PRKD1: variants seen among roughly 807,000 people sequenced by gnomAD.
The protein encoded by PRKD1 is serine/threonine-protein kinase D1.
A neutral mutation model predicts 95.9 loss-of-function variants in PRKD1; 63 were observed. That is an observed-to-expected ratio of 0.66 (90% CI 0.54 to 0.81). The LOEUF (loss-of-function observed/expected upper bound fraction) is 0.81. PRKD1 is among the 30% of genes least tolerant of loss of function. PRKD1 has a pLI of 0.00. For missense variants in PRKD1, 1,048 were observed against 1,165.3 expected (o/e 0.90, Z 1.47); for synonymous variants, 425 against 423.1 (o/e 1.00, Z -0.05).
chr14:29,727,057 G>C (rs184814710), intron 1 of PRKD1, among the ~76,000 whole-genome samples: 403 of 152,058 alleles, frequency 2.7e-3, no homozygotes, highest in Admixed American at 8.1e-3. Context: ...CTCTCCAGCA[G>C]CTGTTGTTTC....
chr14:29,720,123 A>C (rs761983374), intron 2 of PRKD1, among the ~76,000 whole-genome samples: 2 of 152,224 alleles, frequency 1.3e-5, no homozygotes, highest in Non-Finnish European at 2.9e-5. Flanking sequence ...TGAGGAGAAG[A>C]AGCAATCTTA....
In PRKD1 at chr14:29,797,800, C is replaced by T. The variant is rs182878912; in HGVS notation, c.265-72126G>A. On this transcript the variant is annotated intron_variant, in intron 1 of 17. Transcript: ENST00000331968. ...TACAAGTGGTGCCCATAAAGTGGAACAGATTGCAAATGGACTACCATTTAT... is the reference window on the plus strand; with the variant it reads ...TACAAGTGGTGCCCATAAAGTGGAATAGATTGCAAATGGACTACCATTTAT... Among the ~76,000 whole-genome samples the T allele has an allele frequency of 2.0e-5, 3 of 152,270 alleles. No individual in the cohort carries two copies. The East Asian group carries it at 5.8e-4, about 29-fold the overall frequency.
rs574578527 is a variant in PRKD1 at position 29,739,290 on chromosome 14, C to A, written c.265-13616G>T. Among the ~76,000 whole-genome samples, 3 of 152,310 alleles carry A rather than the reference C, an allele frequency of 2.0e-5. No homozygotes were observed. In the South Asian group the frequency reaches 6.2e-4, roughly 32 times the overall value. The stretch of plus-strand genomic sequence containing the variant: ...CTTCCTTTTCTCATTCAAGACAAGA[C>A]TTTAATTTACTCCACTCTGTTTTTC... On this transcript the variant is annotated intron_variant, in intron 1 of 17. Coordinates refer to ENST00000331968, the MANE Select transcript of PRKD1 (RefSeq NM_002742.3).
chr14:29,904,582 T>C (rs1894431006), intron 1 of PRKD1, among the ~76,000 whole-genome samples: 1 of 152,208 alleles, frequency 6.6e-6, no homozygotes, highest in African/African-American at 2.4e-5. Flanking sequence ...CTAGCAATAA[T>C]AATTGCTATT....
At chr14:29,686,137 C>T (rs952035501) in intron 2 of PRKD1, among the ~76,000 whole-genome samples, 1 of 152,272 alleles carries the variant, frequency 6.6e-6, no homozygotes, top group South Asian at 2.1e-4. Flanking sequence ...GAGGCCCTGT[C>T]CCACTGATAG....
At chr14:29,725,714 C>A in intron 1 of PRKD1, 40 bp from the exon 2 acceptor site, 2 of 1,588,390 alleles carry the variant, frequency 1.3e-6, no homozygotes, top group South Asian at 1.1e-5. Context: ...ATGTCAAAAT[C>A]CTTCCAAATA....
At chr14:29,826,827 A>G (rs1374456665) in intron 1 of PRKD1, among the ~76,000 whole-genome samples, 1 of 28,014 alleles carries the variant, frequency 3.6e-5, no homozygotes, top group African/African-American at 1.3e-4. Context: ...ATATATATAT[A>G]TATATATATA....
intron 1 of PRKD1, among the ~76,000 whole-genome samples, chr14:29,922,395 T>G (rs1390976195): frequency 2.0e-5 from 3 of 152,166 alleles, no homozygotes; most frequent in African/African-American, 7.2e-5. Context: ...GCCTCATTTT[T>G]TGCAGTCTAT....
At chr14:29,591,501 T>C (rs1253488356) in intron 16 of PRKD1, among the ~76,000 whole-genome samples, 2 of 152,244 alleles carry the variant, frequency 1.3e-5, no homozygotes, top group East Asian at 1.9e-4. Context: ...GGACTTCTTA[T>C]GTTCTCAGTG....
chr14:29,922,447 C>T (rs1448454881), intron 1 of PRKD1, among the ~76,000 whole-genome samples: 2 of 151,994 alleles, frequency 1.3e-5, no homozygotes, highest in African/African-American at 4.8e-5. Context: ...GGAGGCTATA[C>T]AAGGATAAGG....
chr14:29,738,652 A>T (rs1447495350), intron 1 of PRKD1, among the ~76,000 whole-genome samples: 1 of 152,166 alleles, frequency 6.6e-6, no homozygotes, highest in Non-Finnish European at 1.5e-5. Flanking sequence ...CAGATAACTC[A>T]GAAAAATCAC....
chr14:29,813,916 T>A (rs1396264525), intron 1 of PRKD1, among the ~76,000 whole-genome samples: 3 of 152,246 alleles, frequency 2.0e-5, no homozygotes, highest in Non-Finnish European at 4.4e-5. Context: ...AAATTAGTTT[T>A]GCCACTGCTA....
chr14:29,878,341 CAAAAA>C (rs58074850), intron 1 of PRKD1, among the ~76,000 whole-genome samples: 2 of 49,816 alleles, frequency 4.0e-5, no homozygotes, highest in African/African-American at 5.6e-5. Flanking sequence ...GTTCTAATGA[CAAAAA>C]AAAAAAAAAA....
chr14:29,839,972 G>A (rs186409173), intron 1 of PRKD1, among the ~76,000 whole-genome samples: 1 of 152,218 alleles, frequency 6.6e-6, no homozygotes, highest in African/African-American at 2.4e-5. Flanking sequence ...GAAGACCTCT[G>A]ACATGCCCTA....
intron 2 of PRKD1, among the ~76,000 whole-genome samples, chr14:29,718,966 T>C (rs891117462): frequency 6.6e-6 from 1 of 152,130 alleles, no homozygotes; most frequent in African/African-American, 2.4e-5. Flanking sequence ...TATTGCTACA[T>C]TGCTAACCAA....
At chr14:29,623,766 C>T (rs995892992) in intron 13 of PRKD1, among the ~76,000 whole-genome samples, 3 of 152,084 alleles carry the variant, frequency 2.0e-5, no homozygotes, top group African/African-American at 4.8e-5. Context: ...AGCTCACTCC[C>T]GTGACTGATA....
At chr14:29,630,654 G>C (rs1423216524) in intron 10 of PRKD1, 88 bp downstream of exon 10, 1 of 1,527,646 alleles carries the variant, frequency 6.5e-7, no homozygotes, top group East Asian at 2.3e-5. Context: ...TCTTCATTCT[G>C]TTCTTAGGAA....
At position 29,828,764 on chromosome 14, in the gene PRKD1, A is replaced by C. The variant is rs191882302; in HGVS notation, c.264+98485T>G. Among the ~76,000 whole-genome samples, 4 of 152,232 alleles carry C rather than the reference A, an allele frequency of 2.6e-5. No homozygotes were observed. In the East Asian group the frequency reaches 7.7e-4, roughly 29 times the overall value. On this transcript the variant is annotated intron_variant, in intron 1 of 17. Transcript: ENST00000331968. ...AACATATACTGAATTAGATATAAAC[A>C]CCTTGAAACCACCTGTATAAGATTT...
At chr14:29,730,510 T>C (rs1199694304) in intron 1 of PRKD1, among the ~76,000 whole-genome samples, 1 of 152,174 alleles carries the variant, frequency 6.6e-6, no homozygotes, top group Non-Finnish European at 1.5e-5. Flanking sequence ...ATCTGACTTC[T>C]GGGTATCCAT....
Sources: gnomAD v4.1 joint callset for allele counts (sites outside exome capture counted in the v4.1 genomes callset) on GRCh38, gnomAD v4.1.1 for gene constraint, MANE v1.5 for transcripts, NCBI Gene and HGNC (gene_info 2026-07-23, HGNC 2026-07-21) for gene names.